Variants in NKAIN3 observed in about 807,000 individuals in gnomAD.
NKAIN3 encodes sodium/potassium transporting ATPase interacting 3.
A neutral mutation model predicts 30.2 loss-of-function variants in NKAIN3; 25 were observed. The ratio of observed to expected loss-of-function variants is 0.83; its 90% CI spans 0.60 to 1.16. The LOEUF (loss-of-function observed/expected upper bound fraction) is 1.16, where lower values mean the gene tolerates loss of function less well. Ranked by LOEUF, NKAIN3 falls within the 50% of genes most tolerant of loss-of-function variation. The pLI, the probability that NKAIN3 is intolerant of heterozygous loss-of-function variation, is 0.00. For missense variants in NKAIN3, 225 were observed against 254.1 expected, an observed-to-expected ratio of 0.89 and a Z score of 0.78; for synonymous variants, 91 against 89.6, an observed-to-expected ratio of 1.02 and a Z score of -0.09.
In NKAIN3 at chr8:62,422,075, C is replaced by A. The variant is rs574679479; in HGVS notation, c.55-157464C>A. 8.4e-4 allele frequency among the ~76,000 whole-genome samples: 128 copies of A among 152,218 alleles called. 1 individual carries two copies. In the South Asian group the frequency reaches 0.022, roughly 26 times the overall value. On this transcript the variant is annotated intron_variant, in intron 1 of 6. Transcript: ENST00000623646. Reference sequence around the variant, plus strand: ...TCAAGAGTATGATAATATTCTCATTCAAGTCTCATGCAGAAAATAAACTAA... The same window carrying A: ...TCAAGAGTATGATAATATTCTCATTAAAGTCTCATGCAGAAAATAAACTAA...
chr8:62,327,260 G>C (rs1028377096), intron 1 of NKAIN3, among the ~76,000 whole-genome samples: 1 of 151,882 alleles, frequency 6.6e-6, no homozygotes, highest in Admixed American at 6.6e-5. Context: ...GTCCCATTCC[G>C]TGGATTGCCT....
chr8:62,505,504 T>A (rs1807603335), intron 1 of NKAIN3, among the ~76,000 whole-genome samples: 1 of 152,160 alleles, frequency 6.6e-6, no homozygotes, highest in Admixed American at 6.6e-5. Context: ...AGTCTTATAA[T>A]AAATATAGAA....
At chr8:62,737,960 G>C (rs1416195231) in intron 3 of NKAIN3, among the ~76,000 whole-genome samples, 2 of 152,112 alleles carry the variant, frequency 1.3e-5, no homozygotes, top group Non-Finnish European at 2.9e-5. Context: ...ATTGTGAATA[G>C]TGCTGCAATA....
intron 4 of NKAIN3, chr8:62,863,141 TTTC>T: frequency 6.7e-7 from 1 of 1,484,784 alleles, no homozygotes; most frequent in Non-Finnish European, 9.3e-7. Flanking sequence ...GAGGTGATGT[TTTC>T]TTCTATTATT....
At chr8:62,450,742 G>T (rs1805614868) in intron 1 of NKAIN3, among the ~76,000 whole-genome samples, 1 of 152,108 alleles carries the variant, frequency 6.6e-6, no homozygotes, top group Non-Finnish European at 1.5e-5. Context: ...AGATTCTCAT[G>T]TAATCTACAC....
intron 3 of NKAIN3, among the ~76,000 whole-genome samples, chr8:62,615,507 G>C (rs565844055): frequency 6.6e-6 from 1 of 152,012 alleles, no homozygotes; most frequent in Non-Finnish European, 1.5e-5. Context: ...ATGACCCCTC[G>C]GTCCACTGTC....
rs574037727 is a variant in NKAIN3 at position 62,540,847 on chromosome 8, A to G, written c.55-38692A>G. Reference sequence around the variant, plus strand: ...CCTTCAGTCTTGAAAAAAAAGGGTGAAAGAAGATGTTTTGTTTTTTCTTAG... The same window carrying G: ...CCTTCAGTCTTGAAAAAAAAGGGTGGAAGAAGATGTTTTGTTTTTTCTTAG... On this transcript the variant is annotated intron_variant, in intron 1 of 6. Coordinates refer to ENST00000623646, the MANE Select transcript of NKAIN3 (RefSeq NM_001304533.3). Among the ~76,000 whole-genome samples, 65 of 152,258 alleles carry G rather than the reference A, an allele frequency of 4.3e-4. No homozygotes were observed. The South Asian group carries it at 0.013, about 31-fold the overall frequency.
intron 1 of NKAIN3, among the ~76,000 whole-genome samples, chr8:62,270,383 A>G (rs1563913590): frequency 6.6e-6 from 1 of 152,110 alleles, no homozygotes; most frequent in Non-Finnish European, 1.5e-5. Flanking sequence ...GGCCCAGCCC[A>G]TATTATAGGC....
At chr8:62,955,062 A>G (rs1396335574) in intron 6 of NKAIN3, among the ~76,000 whole-genome samples, 9 of 152,194 alleles carry the variant, frequency 5.9e-5, no homozygotes, top group Admixed American at 5.9e-4. Flanking sequence ...TTCTTACCCA[A>G]ATATGCAGCT....
intron 6 of NKAIN3, among the ~76,000 whole-genome samples, chr8:62,959,522 C>T (rs1283084156): frequency 1.3e-5 from 2 of 150,558 alleles, no homozygotes; most frequent in Non-Finnish European, 2.9e-5. Context: ...TAAAAACCAG[C>T]AATCACCAGC....
At chr8:62,294,315 C>T (rs1484754885) in intron 1 of NKAIN3, among the ~76,000 whole-genome samples, 3 of 152,168 alleles carry the variant, frequency 2.0e-5, no homozygotes, top group South Asian at 2.1e-4. Context: ...CTGGGAGCTG[C>T]AGACTGGAGC....
Position 62,979,366 on chromosome 8 carries a change from G to A in NKAIN3, c.*13959G>A, listed in dbSNP as rs901084826. ...TATATTCTCCTAATACCTAGTGTTT[G>A]CAAATCTGGCAGCTGTCACTGATGA... On this transcript the variant is annotated 3_prime_UTR_variant, in exon 7 of 7. Coordinates refer to ENST00000623646, the MANE Select transcript of NKAIN3 (RefSeq NM_001304533.3). 15 of 152,124 alleles carry A rather than the reference G, an allele frequency of 9.9e-5. No individual in the cohort carries two copies. The highest frequency in any genetic ancestry group is 9.2e-4 in the Admixed American group (14 of 15,274). The allele number at this position is 152,124 out of a possible 1,614,324, so 9.4% of individuals were successfully genotyped here. A position where few individuals can be genotyped will look rare whatever the true frequency, so the allele number is the denominator to read the frequency against.
chr8:62,547,937 T>G (rs943729702), intron 1 of NKAIN3, among the ~76,000 whole-genome samples: 2 of 152,192 alleles, frequency 1.3e-5, no homozygotes, highest in African/African-American at 2.4e-5. Flanking sequence ...GGATTCTGCA[T>G]TTCTCTCAAG....
chr8:62,445,859 C>T (rs946015016), intron 1 of NKAIN3, among the ~76,000 whole-genome samples: 17 of 152,066 alleles, frequency 1.1e-4, no homozygotes, highest in African/African-American at 3.6e-4. Flanking sequence ...TAAGAGAACA[C>T]ATTAGAGGAA....
rs1368513734 is a variant in NKAIN3, at chr8:62,533,378, A to G, written c.55-46161A>G. On this transcript the variant is annotated intron_variant, in intron 1 of 6. Transcript: ENST00000623646. ...GCTGCAGTGGAACAAACTGTAGAAC[A>G]TAGATTGAGGCTCTGTGTGGTGACA... Among the ~76,000 whole-genome samples the G allele has an allele frequency of 5.3e-5, 8 of 152,358 alleles. No homozygotes were observed. In the East Asian group the frequency reaches 1.5e-3, roughly 29 times the overall value.
rs60637445 is a variant in NKAIN3, at chr8:62,719,753, C to CTTTTTT, written c.274-27163_274-27158dup. Among the ~76,000 whole-genome samples, 122 of 90,462 alleles carry CTTTTTT rather than the reference C, an allele frequency of 1.3e-3. 1 individual carries two copies. Among genetic ancestry groups the CTTTTTT allele is most frequent in the African/African-American group, 2.4e-3 (59 of 24,750 alleles). 59.3% of individuals were successfully genotyped at this position (90,462 alleles called of 152,430 possible). A position where few individuals can be genotyped will look rare whatever the true frequency, so the allele number is the denominator to read the frequency against. On this transcript the variant is annotated intron_variant, in intron 3 of 6. Transcript: ENST00000623646. ...TCTGCATACATTTATACATTTCTTT[C>CTTTTTT]TTTTTTTTTTTTTTTTTTTTTGAGA...
chr8:62,402,023 C>G (rs1312171198), intron 1 of NKAIN3, among the ~76,000 whole-genome samples: 1 of 152,196 alleles, frequency 6.6e-6, no homozygotes, highest in Non-Finnish European at 1.5e-5. Context: ...GTCCCCTGAT[C>G]ACAGTTAGGT....
chr8:62,666,800 T>A (rs923603604), intron 3 of NKAIN3, among the ~76,000 whole-genome samples: 3 of 152,076 alleles, frequency 2.0e-5, no homozygotes, highest in Non-Finnish European at 4.4e-5. Flanking sequence ...ATCTAAAAAT[T>A]GTTCCAGCTC....
chr8:62,849,980 T>G (rs934710139), intron 4 of NKAIN3, among the ~76,000 whole-genome samples: 79 of 152,182 alleles, frequency 5.2e-4, no homozygotes, highest in African/African-American at 1.7e-3. Context: ...AGTAATGCGA[T>G]AGCTGGGTGA....
Sources: allele counts gnomAD v4.1 joint callset (sites outside exome capture counted in the v4.1 genomes callset), GRCh38; gene constraint gnomAD v4.1.1; transcripts MANE v1.5; gene names NCBI Gene and HGNC (gene_info 2026-07-23, HGNC 2026-07-21).